The following EVC variants were observed in gnomAD, a reference collection of about 807,000 sequenced individuals.
EVC encodes evC complex member EVC.
A neutral mutation model predicts 118.9 loss-of-function variants in EVC; 116 were observed. That is an observed-to-expected ratio of 0.98 (90% confidence interval 0.84 to 1.14). The LOEUF (loss-of-function observed/expected upper bound fraction) is 1.14, where lower values mean the gene tolerates loss of function less well. EVC is among the 50% of genes most tolerant of loss of function. The pLI, the probability that EVC is intolerant of heterozygous loss-of-function variation, is 0.00. For missense variants in EVC, 1,401 were observed against 1,246.4 expected (o/e 1.12, Z -1.87); for synonymous variants, 619 against 534.7 (o/e 1.16, Z -2.18).
intron 5 of EVC, among the ~76,000 whole-genome samples, chr4:5,735,181 G>A (rs1727468620): frequency 6.6e-6 from 1 of 152,232 alleles, no homozygotes; most frequent in Non-Finnish European, 1.5e-5. Context: ...GTAAACAGAT[G>A]TCACAAAATA....
In EVC at chr4:5,804,822, T is replaced by G; in HGVS notation, c.2542T>G (p.Ser848Ala). ...GACGGCAGGTGGCGCTCATGAGACC[T>G]CCCAGGCGGTCCACCAGAGGTGAGG... ...SRTAGGAHET[S>A]QAVHQRMLSQ... The change falls in exon 17 of 21, where the codon TCC becomes GCC. Residue 848 changes from serine to alanine, a missense_variant. Transcript: ENST00000264956. 1 of 1,613,754 alleles carries G rather than the reference T, an allele frequency of 6.2e-7. No individual in the cohort carries two copies. The highest frequency in any genetic ancestry group is 2.2e-5 in the East Asian group (1 of 44,820).
intron 7 of EVC, among the ~76,000 whole-genome samples, chr4:5,747,828 A>C (rs900255223): frequency 1.3e-5 from 2 of 152,240 alleles, no homozygotes; most frequent in African/African-American, 4.8e-5. Flanking sequence ...GTCACATTTC[A>C]TCGGCCCCTA....
rs577664966 is a variant in EVC, at chr4:5,789,963, C to G, written c.1777-3645C>G. Among the ~76,000 whole-genome samples, 2 of 152,150 alleles carry G rather than the reference C, an allele frequency of 1.3e-5. No homozygotes were observed. Among genetic ancestry groups the G allele is most frequent in the Admixed American group, 1.3e-4 (2 of 15,286 alleles). ...TGGGAGGCCAAGGCAGGTAGATCACCTGAGATCAAGAGTTCGAGACCAGCC... is the reference window on the plus strand; with the variant it reads ...TGGGAGGCCAAGGCAGGTAGATCACGTGAGATCAAGAGTTCGAGACCAGCC... On this transcript the variant is annotated intron_variant, in intron 12 of 20. Coordinates refer to ENST00000264956, the MANE Select transcript of EVC (RefSeq NM_153717.3). The surrounding 1 kb of genome is among the most constrained non-coding windows in gnomAD (Gnocchi z 4.3).
chr4:5,816,017 C>A (rs1359344358), downstream of EVC, among the ~76,000 whole-genome samples: 1 of 146,018 alleles, frequency 6.8e-6, no homozygotes, highest in Non-Finnish European at 1.5e-5. Context: ...ATACTATTTT[C>A]CCCCCATGGC....
chr4:5,769,969 C>G (rs1355188627), intron 11 of EVC, among the ~76,000 whole-genome samples: 5 of 152,054 alleles, frequency 3.3e-5, no homozygotes, highest in African/African-American at 9.7e-5. Flanking sequence ...CAGAAGGACT[C>G]CCAGCACTCC....
At chr4:5,777,873 AC>A (rs1215113417) in intron 11 of EVC, among the ~76,000 whole-genome samples, 1 of 152,046 alleles carries the variant, frequency 6.6e-6, no homozygotes, top group Non-Finnish European at 1.5e-5. Context: ...GTTTTAGGGT[AC>A]ATGTGCACAA....
Position 5,715,183 on chromosome 4 carries a change from T to G in EVC, c.174+3629T>G, listed in dbSNP as rs1723743063. ...TAACTCTCCCCCACATATGTGCGTT[T>G]GTGTTCAAGACATTTGAATGCATTA... is the stretch of plus-strand genomic sequence containing the variant. On this transcript the variant is annotated intron_variant, in intron 1 of 20. Coordinates refer to ENST00000264956, the MANE Select transcript of EVC (RefSeq NM_153717.3). 2.6e-5 allele frequency among the ~76,000 whole-genome samples: 4 copies of G among 152,182 alleles called. No homozygotes were observed. The South Asian group carries it at 8.3e-4, about 31-fold the overall frequency.
At chr4:5,823,266 T>C in the EVC span, among the ~76,000 whole-genome samples, 1 of 152,310 alleles carries the variant, frequency 6.6e-6, no homozygotes, top group East Asian at 1.9e-4. Flanking sequence ...CCACTAAGAA[T>C]TTGGTTCACA....
chr4:5,823,604 C>A, the EVC span, among the ~76,000 whole-genome samples: 1 of 152,154 alleles, frequency 6.6e-6, no homozygotes, highest in African/African-American at 2.4e-5. Flanking sequence ...TGAGTAAATT[C>A]TTGCTCTATT....
chr4:5,768,941 G>A (rs1733485057), intron 11 of EVC, among the ~76,000 whole-genome samples: 1 of 152,030 alleles, frequency 6.6e-6, no homozygotes, highest in Non-Finnish European at 1.5e-5. Flanking sequence ...ACCCTGCCTT[G>A]CTGGCTGGCT....
Position 5,753,009 on chromosome 4 carries a change from G to T in EVC, c.1272G>T (p.Gln424His), listed in dbSNP as rs1464342632. ...SGRQKEELLTQQHKAFWQEAE... is the reference protein window; with the variant it reads ...SGRQKEELLTHQHKAFWQEAE... ...GGCAGAAGGAGGAGCTGCTCACGCA[G>T]CAGCACAAGGCCTTCTGGCAGGAGG... The change falls in exon 9 of 21, where the codon CAG becomes CAT. Residue 424 changes from glutamine (Q) to histidine (H), a missense_variant. Physicochemically the swap from Gln to His is conservative, Grantham distance 24 (BLOSUM62 0). Coordinates refer to ENST00000264956, the MANE Select transcript of EVC (RefSeq NM_153717.3). 3.1e-6 allele frequency: 5 copies of T among 1,611,736 alleles called. No homozygotes were observed. The highest frequency in any genetic ancestry group is 4.2e-6 in the Non-Finnish European group (5 of 1,179,130).
intron 11 of EVC, among the ~76,000 whole-genome samples, chr4:5,769,402 G>T (rs10029221): frequency 0.61 from 92,490 of 151,974 alleles, 28,529 homozygotes; most frequent in South Asian, 0.74. Context: ...TGAGATTTAG[G>T]TGGGGACACA....
chr4:5,819,805 A>G, the EVC span, among the ~76,000 whole-genome samples: 4 of 150,696 alleles, frequency 2.7e-5, no homozygotes, highest in Non-Finnish European at 5.9e-5. Context: ...AATCCTTACC[A>G]TCCATTCTTG....
Position 5,749,040 on chromosome 4 carries a change from C to T in EVC, c.1098+734C>T, listed in dbSNP as rs903121349. Among the ~76,000 whole-genome samples, 4 of 152,102 alleles carry T rather than the reference C, an allele frequency of 2.6e-5. No homozygotes were observed. Among genetic ancestry groups the T allele is most frequent in the Admixed American group, 1.3e-4 (2 of 15,284 alleles). ...TGACGATGGTGGGAGCTGGGGTTGA[C>T]GCCCACTGGTGTAGACAGAGCATTG... is the stretch of plus-strand genomic sequence containing the variant. On this transcript the variant is annotated intron_variant, in intron 8 of 20. Coordinates refer to ENST00000264956, the MANE Select transcript of EVC (RefSeq NM_153717.3). This position sits in a 1 kb window ranked among gnomAD's most constrained non-coding sequence, Gnocchi z 4.4.
intron 17 of EVC, among the ~76,000 whole-genome samples, chr4:5,806,658 C>T (rs771239015): frequency 6.6e-6 from 1 of 152,188 alleles, no homozygotes; most frequent in South Asian, 2.1e-4. Flanking sequence ...CACACGAGAG[C>T]AGGTATCTTT....
At chr4:5,801,084 T>A (rs932437710) in intron 15 of EVC, among the ~76,000 whole-genome samples, 1 of 152,246 alleles carries the variant, frequency 6.6e-6, no homozygotes, top group African/African-American at 2.4e-5. Flanking sequence ...CTGTCTTTTC[T>A]ACTTTGGTCT....
rs1048214018 is a variant in EVC, at chr4:5,742,543, A to G, written c.801+729A>G. Among the ~76,000 whole-genome samples the G allele has an allele frequency of 2.6e-5, 4 of 152,038 alleles. No individual in the cohort carries two copies. Among genetic ancestry groups the G allele is most frequent in the Non-Finnish European group, 4.4e-5 (3 of 68,018 alleles). ...CACCATAAACACCATCATCTTTGCT[A>G]TTGTCACCACTGACATCATCATTCT... On this transcript the variant is annotated intron_variant, in intron 6 of 20. Coordinates refer to ENST00000264956, the MANE Select transcript of EVC (RefSeq NM_153717.3). This position sits in a 1 kb window ranked among gnomAD's most constrained non-coding sequence, Gnocchi z 5.2.
chr4:5,771,396 C>T (rs1733931783), intron 11 of EVC, among the ~76,000 whole-genome samples: 1 of 152,164 alleles, frequency 6.6e-6, no homozygotes. Flanking sequence ...CCCTCATTCA[C>T]TTATAAGAAC....
At chr4:5,732,966 T>C (rs1390531842) in intron 4 of EVC, among the ~76,000 whole-genome samples, 1 of 152,220 alleles carries the variant, frequency 6.6e-6, no homozygotes, top group Middle Eastern at 3.2e-3. Flanking sequence ...GCCGTGATTG[T>C]ACCACTGCAC....
Sources: allele counts gnomAD v4.1 joint callset (sites outside exome capture counted in the v4.1 genomes callset), GRCh38; gene constraint gnomAD v4.1.1; non-coding constraint Gnocchi (gnomAD v3.1); transcripts MANE v1.5; gene names NCBI Gene and HGNC (gene_info 2026-07-23, HGNC 2026-07-21).